Variants in PPP6R2 observed in about 807,000 individuals in gnomAD.
PPP6R2 encodes serine/threonine-protein phosphatase 6 regulatory subunit 2.
In PPP6R2, 62 loss-of-function variants were observed where a neutral mutation model predicts 100.2. That is an observed-to-expected ratio of 0.62 (90% CI 0.50 to 0.76). The LOEUF (loss-of-function observed/expected upper bound fraction) is 0.76, where lower values mean the gene tolerates loss of function less well. Among genes scored for constraint, PPP6R2 ranks in the 30% least tolerant of loss-of-function variants. PPP6R2 has a pLI of 0.00. For missense variants in PPP6R2, 1,142 were observed against 1,276.3 expected, an observed-to-expected ratio of 0.89 and a Z score of 1.60; for synonymous variants, 525 against 514.7, an observed-to-expected ratio of 1.02 and a Z score of -0.27.
At chr22:50,366,524 GA>G (rs2048799179) in intron 1 of PPP6R2, among the ~76,000 whole-genome samples, 1 of 151,966 alleles carries the variant, frequency 6.6e-6, no homozygotes, top group Admixed American at 6.6e-5. Context: ...GGCTGGTCTC[GA>G]ACTCCTGACC....
At chr22:50,434,765 G>A (rs1168984953) in intron 12 of PPP6R2, among the ~76,000 whole-genome samples, 3 of 139,308 alleles carry the variant, frequency 2.2e-5, no homozygotes, top group Admixed American at 7.0e-5. Context: ...GAGGAGGGCC[G>A]GGGGCATGGA....
At chr22:50,402,070 C>G (rs1171543695) in intron 3 of PPP6R2, among the ~76,000 whole-genome samples, 3 of 152,132 alleles carry the variant, frequency 2.0e-5, no homozygotes, top group Non-Finnish European at 4.4e-5. Context: ...CTTCTGTTCT[C>G]TACACTTGCT....
At position 50,438,497 on chromosome 22, in the gene PPP6R2, G is replaced by A. The variant is rs1032199886; in HGVS notation, c.1965-102G>A. ...GCGTCTCGTGCTCCTCTCTCGAGAC[G>A]ATCTGTGCTCACCCTCAGCCCCGAG... On this transcript the variant is annotated intron_variant, in intron 18 of 23. Coordinates refer to ENST00000612753, the MANE Select transcript of PPP6R2 (RefSeq NM_001242898.2). The A allele has an allele frequency of 7.0e-5, 103 of 1,469,192 alleles. No homozygotes were observed. The African/African-American group carries it at 7.0e-4, about 10-fold the overall frequency. 91.0% of individuals were successfully genotyped at this position (1,469,192 alleles called of 1,614,324 possible). A position where few individuals can be genotyped will look rare whatever the true frequency, so the allele number is the denominator to read the frequency against.
chr22:50,332,642 T>TG, the PPP6R2 span, among the ~76,000 whole-genome samples: 1 of 150,500 alleles, frequency 6.6e-6, no homozygotes. Context: ...TTTTTTTTTT[T>TG]GAGATGGAGT....
rs377383890 is a variant in PPP6R2 at position 50,442,322 on chromosome 22, C to T, written c.2579+1296C>T. Among the ~76,000 whole-genome samples the T allele has an allele frequency of 2.4e-4, 37 of 152,332 alleles. No homozygotes were observed. In the South Asian group the frequency reaches 6.6e-3, roughly 27 times the overall value. On this transcript the variant is annotated intron_variant, in intron 22 of 23. Coordinates refer to ENST00000612753, the MANE Select transcript of PPP6R2 (RefSeq NM_001242898.2). ...AGCTCAGCACCAGGCTGGCTCTCCC[C>T]GCCCTGTTGACCAGCAGGCCCCGTC...
upstream of PPP6R2, chr22:50,343,275 T>G (rs907560357): frequency 1.4e-5 from 2 of 148,118 alleles, no homozygotes; most frequent in Non-Finnish European, 3.0e-5. Flanking sequence ...GCCGCGAGCG[T>G]GCGCGCCCCA....
rs2061567338 is a variant in PPP6R2 at position 50,423,209 on chromosome 22, C to T, written c.973-253C>T. Reference sequence around the variant, plus strand: ...CGCTGAGGTGCACGGCTCTCTGGCCCTGCAGGCTCAGACTGGAGTGCCCGT... The same window carrying T: ...CGCTGAGGTGCACGGCTCTCTGGCCTTGCAGGCTCAGACTGGAGTGCCCGT... On this transcript the variant is annotated intron_variant, in intron 9 of 23. Coordinates refer to ENST00000612753, the MANE Select transcript of PPP6R2 (RefSeq NM_001242898.2). The surrounding 1 kb of genome is among the most constrained non-coding windows in gnomAD (Gnocchi z 4.8). Among the ~76,000 whole-genome samples, 1 of 152,202 alleles carries T rather than the reference C, an allele frequency of 6.6e-6. No homozygotes were observed. Among genetic ancestry groups the T allele is most frequent in the South Asian group, 2.1e-4 (1 of 4,830 alleles).
chr22:50,380,921 G>A (rs1193467398), intron 2 of PPP6R2, among the ~76,000 whole-genome samples: 10 of 150,218 alleles, frequency 6.7e-5, no homozygotes, highest in Admixed American at 2.7e-4. Context: ...CCCAGGAGGC[G>A]GAGCTTGCAG....
the PPP6R2 span, among the ~76,000 whole-genome samples, chr22:50,334,129 G>A: frequency 6.6e-5 from 10 of 152,282 alleles, no homozygotes; most frequent in African/African-American, 2.4e-4. Context: ...GACCGCTGAA[G>A]CACAGCATCA....
intron 6 of PPP6R2, 131 bp from the exon 7 acceptor site, chr22:50,418,736 G>A: frequency 1.4e-6 from 1 of 714,860 alleles, no homozygotes; most frequent in East Asian, 2.5e-5. Flanking sequence ...CATCACAGTG[G>A]TATTGAACAA....
intron 1 of PPP6R2, among the ~76,000 whole-genome samples, chr22:50,350,111 C>G (rs2044701374): frequency 6.6e-6 from 1 of 152,026 alleles, no homozygotes; most frequent in African/African-American, 2.4e-5. Context: ...GAGCAAGACT[C>G]TGTCTCAAAA....
At chr22:50,339,219 G>A (rs2042340040), upstream of PPP6R2, among the ~76,000 whole-genome samples, 1 of 138,856 alleles carries the variant, frequency 7.2e-6, no homozygotes, top group Non-Finnish European at 1.6e-5. Context: ...GTGTGTGTAG[G>A]GTGTGTGGTG....
intron 2 of PPP6R2, among the ~76,000 whole-genome samples, chr22:50,375,842 T>G (rs909400246): frequency 1.8e-4 from 24 of 134,136 alleles, no homozygotes; most frequent in Non-Finnish European, 3.8e-4. Context: ...ATTTTTTTTT[T>G]TTTTTTTTTT....
chr22:50,409,156 G>C (rs2059392410), intron 4 of PPP6R2, among the ~76,000 whole-genome samples: 1 of 152,180 alleles, frequency 6.6e-6, no homozygotes, highest in African/African-American at 2.4e-5. Flanking sequence ...TGTGAGGCAG[G>C]GATGCCTTGA....
chr22:50,388,116 T>A (rs1253764165), intron 2 of PPP6R2, among the ~76,000 whole-genome samples: 1 of 150,920 alleles, frequency 6.6e-6, no homozygotes, highest in African/African-American at 2.4e-5. Flanking sequence ...TGAGCCCAGG[T>A]GTTCAAGACC....
At chr22:50,357,491 C>G (rs893744883) in intron 1 of PPP6R2, among the ~76,000 whole-genome samples, 38 of 149,134 alleles carry the variant, frequency 2.5e-4, no homozygotes, top group African/African-American at 9.3e-4. Flanking sequence ...TCCTCCCTGT[C>G]TCTCTCTCTC....
At chr22:50,437,784 G>A in intron 16 of PPP6R2, 59 bp from the exon 17 acceptor site, 1 of 1,530,906 alleles carries the variant, frequency 6.5e-7, no homozygotes, top group Admixed American at 2.0e-5. Context: ...GGAGCACTGA[G>A]GCCCCAGATG....
rs79508618 is a variant in PPP6R2, at chr22:50,437,621, G to A, written c.1781+18G>A. Reference sequence around the variant, plus strand: ...AACATCAAGTGAGTCTACTTGGAGCGCACTCTGCACGAGGCGCGGCTCTCC... The same window carrying A: ...AACATCAAGTGAGTCTACTTGGAGCACACTCTGCACGAGGCGCGGCTCTCC... On this transcript the variant is annotated intron_variant, in intron 16 of 23. Coordinates refer to ENST00000612753, the MANE Select transcript of PPP6R2 (RefSeq NM_001242898.2). 11,355 of 1,574,064 alleles carry A rather than the reference G, an allele frequency of 7.2e-3. 107 individuals carry two copies. Among genetic ancestry groups the A allele is most frequent in the Middle Eastern group, 0.03 (180 of 5,994 alleles).
chr22:50,399,487 G>A (rs774944218), intron 3 of PPP6R2, among the ~76,000 whole-genome samples: 9 of 152,240 alleles, frequency 5.9e-5, no homozygotes, highest in East Asian at 1.9e-4. Context: ...ACCGCCTCCC[G>A]CAACCTGTTA....
Sources: allele counts gnomAD v4.1 joint callset (sites outside exome capture counted in the v4.1 genomes callset), GRCh38; gene constraint gnomAD v4.1.1; non-coding constraint Gnocchi (gnomAD v3.1); transcripts MANE v1.5; gene names NCBI Gene and HGNC (gene_info 2026-07-23, HGNC 2026-07-21).